NELL2: variants seen among roughly 807,000 people sequenced by gnomAD.
The protein encoded by NELL2 is neural EGFL like 2.
NELL2 carries 41 observed loss-of-function variants against 109.6 expected under a neutral mutation model. The ratio of observed to expected loss-of-function variants is 0.37; its 90% CI spans 0.29 to 0.49. The LOEUF (loss-of-function observed/expected upper bound fraction) is 0.49. NELL2 is among the 20% of genes least tolerant of loss of function. The pLI, the probability that NELL2 is intolerant of heterozygous loss-of-function variation, is 0.98. For missense variants in NELL2, 900 were observed against 1,008.3 expected (o/e 0.89, Z 1.45); for synonymous variants, 355 against 344.7 (o/e 1.03, Z -0.33).
intron 9 of NELL2, among the ~76,000 whole-genome samples, chr12:44,724,321 T>C (rs145478887): frequency 4.6e-5 from 7 of 151,610 alleles, no homozygotes; most frequent in South Asian, 4.2e-4. Context: ...GATGGAATCA[T>C]TGGGACCTCA....
intron 2 of NELL2, among the ~76,000 whole-genome samples, chr12:44,821,877 C>A (rs905463085): frequency 1.0e-4 from 15 of 148,776 alleles, no homozygotes; most frequent in Non-Finnish European, 1.9e-4. Context: ...ACCACCACGC[C>A]CGGCTGGTTT....
intron 12 of NELL2, among the ~76,000 whole-genome samples, chr12:44,688,587 G>A (rs914859645): frequency 6.6e-6 from 1 of 152,220 alleles, no homozygotes; most frequent in African/African-American, 2.4e-5. Flanking sequence ...AGTTCCCACA[G>A]TTAGTAAACA....
At chr12:44,770,371 A>T (rs1375586638) in intron 9 of NELL2, among the ~76,000 whole-genome samples, 1 of 152,186 alleles carries the variant, frequency 6.6e-6, no homozygotes, top group East Asian at 1.9e-4. Flanking sequence ...ATATGAGGCA[A>T]CTGAGTCCAT....
At chr12:44,625,872 C>T (rs1166099019) in intron 13 of NELL2, among the ~76,000 whole-genome samples, 7 of 151,816 alleles carry the variant, frequency 4.6e-5, no homozygotes, top group Non-Finnish European at 7.4e-5. Context: ...CACTGAAGCT[C>T]GCCAGCACAC....
chr12:44,555,861 GT>G (rs1446206565), intron 15 of NELL2, among the ~76,000 whole-genome samples: 3 of 152,130 alleles, frequency 2.0e-5, no homozygotes, highest in African/African-American at 7.2e-5. Context: ...TATTTTATCA[GT>G]GGGGGATTGA....
intron 2 of NELL2, among the ~76,000 whole-genome samples, chr12:44,874,565 T>C (rs1945259827): frequency 6.6e-6 from 1 of 152,202 alleles, no homozygotes; most frequent in African/African-American, 2.4e-5. Context: ...CAAAAAAAAG[T>C]TGTAAAATCG....
At chr12:44,598,427 A>C (rs1195173122) in intron 15 of NELL2, among the ~76,000 whole-genome samples, 1 of 152,072 alleles carries the variant, frequency 6.6e-6, no homozygotes, top group East Asian at 1.9e-4. Context: ...CATAAACTTC[A>C]TATCATTATT....
chr12:44,698,049 C>T lies in NELL2; in HGVS notation c.1318+5677G>A, dbSNP rs188351797. 2.0e-3 allele frequency among the ~76,000 whole-genome samples: 304 copies of T among 152,274 alleles called. 2 individuals carry two copies. Among genetic ancestry groups the T allele is most frequent in the African/African-American group, 5.7e-3 (237 of 41,542 alleles). On this transcript the variant is annotated intron_variant, in intron 12 of 19. Transcript: ENST00000429094. Reference sequence around the variant, plus strand: ...CTCTGTCTTCATGTTCACCTGATAACTTCATGTTCACATAGTGTAATTTCC... The same window carrying T: ...CTCTGTCTTCATGTTCACCTGATAATTTCATGTTCACATAGTGTAATTTCC...
chr12:44,637,197 C>T (rs566744081), intron 13 of NELL2, among the ~76,000 whole-genome samples: 4 of 151,598 alleles, frequency 2.6e-5, no homozygotes, highest in African/African-American at 2.4e-5. Flanking sequence ...TTCAAGAAAA[C>T]GCTCCTAGAT....
chr12:44,729,426 A>G (rs1939248136), intron 9 of NELL2, among the ~76,000 whole-genome samples: 1 of 152,144 alleles, frequency 6.6e-6, no homozygotes, highest in Non-Finnish European at 1.5e-5. Flanking sequence ...GGAAGACAAC[A>G]AAGGAGAAAA....
rs186869756 is a variant in NELL2, at chr12:44,783,334, G to A, written c.336-3312C>T. Among the ~76,000 whole-genome samples the A allele has an allele frequency of 2.6e-5, 4 of 151,006 alleles. No individual in the cohort carries two copies. The East Asian group carries it at 7.8e-4, about 29-fold the overall frequency. On this transcript the variant is annotated intron_variant, in intron 3 of 19. Transcript: ENST00000429094. ...CCACCTCAAGAGCAAAGAAAAGGAA[G>A]GGCAAAATAAACACAAATCAAGTAG...
intron 2 of NELL2, among the ~76,000 whole-genome samples, chr12:44,837,802 C>T (rs113905687): frequency 2.6e-5 from 4 of 152,062 alleles, no homozygotes; most frequent in Non-Finnish European, 5.9e-5. Flanking sequence ...TTTTCTATCC[C>T]ATTTTTGGTA....
chr12:44,681,373 G>C (rs1566147914), intron 12 of NELL2, among the ~76,000 whole-genome samples: 1 of 146,740 alleles, frequency 6.8e-6, no homozygotes, highest in Non-Finnish European at 1.5e-5. Context: ...GTTGTTGTTG[G>C]CATAACCCTT....
intron 1 of NELL2, among the ~76,000 whole-genome samples, chr12:44,896,683 T>C (rs12367572): frequency 0.29 from 43,625 of 152,086 alleles, 7,441 homozygotes; most frequent in South Asian, 0.57. Context: ...GTAGATTAAC[T>C]AAGTGGAAGA....
At chr12:44,633,821 A>C (rs1303728628) in intron 13 of NELL2, among the ~76,000 whole-genome samples, 4 of 152,112 alleles carry the variant, frequency 2.6e-5, no homozygotes, top group African/African-American at 9.7e-5. Flanking sequence ...ATTTTGGAAA[A>C]TGTGTTCAGT....
upstream of NELL2, among the ~76,000 whole-genome samples, chr12:44,880,037 C>CAAG (rs1247690280): frequency 6.7e-6 from 1 of 149,920 alleles, no homozygotes; most frequent in Non-Finnish European, 1.5e-5. Context: ...TCCTGCTGTG[C>CAAG]AATAATAATA....
intron 3 of NELL2, among the ~76,000 whole-genome samples, chr12:44,785,360 C>A (rs1942123162): frequency 6.6e-6 from 1 of 151,840 alleles, no homozygotes; most frequent in Admixed American, 6.6e-5. Context: ...AACTACAAAC[C>A]AATGCTGGAA....
chr12:44,691,879 A>G (rs1219642368), intron 12 of NELL2, among the ~76,000 whole-genome samples: 1 of 152,196 alleles, frequency 6.6e-6, no homozygotes, highest in Non-Finnish European at 1.5e-5. Context: ...TAAAGCTAGC[A>G]GAAGTTGGCT....
chr12:44,625,237 G>C (rs1234869037), intron 13 of NELL2, among the ~76,000 whole-genome samples: 1 of 151,672 alleles, frequency 6.6e-6, no homozygotes, highest in East Asian at 1.9e-4. Flanking sequence ...CATGGCAGTT[G>C]TATATTTGCC....
Sources: allele counts gnomAD v4.1 joint callset (sites outside exome capture counted in the v4.1 genomes callset), GRCh38; gene constraint gnomAD v4.1.1; transcripts MANE v1.5; gene names NCBI Gene and HGNC (gene_info 2026-07-23, HGNC 2026-07-21).